KCTD16: variants seen among roughly 807,000 people sequenced by gnomAD.
KCTD16 encodes BTB/POZ domain-containing protein KCTD16.
A neutral mutation model predicts 33.2 loss-of-function variants in KCTD16; 13 were observed. That is an observed-to-expected ratio of 0.39 (90% CI 0.25 to 0.62). KCTD16 has a LOEUF of 0.62. Among genes scored for constraint, KCTD16 ranks in the 20% least tolerant of loss-of-function variants. KCTD16 has a pLI of 0.50. For missense variants in KCTD16, 441 were observed against 525.1 expected, an observed-to-expected ratio of 0.84 and a Z score of 1.57; for synonymous variants, 197 against 195.3, an observed-to-expected ratio of 1.01 and a Z score of -0.07.
chr5:144,418,047 A>C (rs561511807), intron 3 of KCTD16, among the ~76,000 whole-genome samples: 1 of 152,070 alleles, frequency 6.6e-6, no homozygotes, highest in Non-Finnish European at 1.5e-5. Flanking sequence ...GAAGCCACAG[A>C]CCTTGGCAGT....
intron 3 of KCTD16, among the ~76,000 whole-genome samples, chr5:144,420,924 C>G (rs1188192396): frequency 6.6e-6 from 1 of 152,174 alleles, no homozygotes; most frequent in Admixed American, 6.5e-5. Context: ...TGATGAAAGT[C>G]ATCTCAAAGC....
intron 3 of KCTD16, among the ~76,000 whole-genome samples, chr5:144,257,549 C>T (rs1050274489): frequency 5.9e-5 from 9 of 151,864 alleles, no homozygotes; most frequent in South Asian, 2.1e-4. Context: ...AGTGCAGTGA[C>T]GTGATCTCGG....
intron 3 of KCTD16, among the ~76,000 whole-genome samples, chr5:144,259,090 C>G (rs1433236682): frequency 6.6e-6 from 1 of 151,902 alleles, no homozygotes; most frequent in Non-Finnish European, 1.5e-5. Flanking sequence ...AACCCCGTCT[C>G]TACTAAAAAT....
chr5:144,266,616 C>G (rs1046185262), intron 3 of KCTD16, among the ~76,000 whole-genome samples: 1 of 152,178 alleles, frequency 6.6e-6, no homozygotes, highest in African/African-American at 2.4e-5. Context: ...ACCAAATACC[C>G]TTCCCTAACC....
intron 3 of KCTD16, among the ~76,000 whole-genome samples, chr5:144,434,179 G>T (rs1477815833): frequency 2.0e-5 from 3 of 152,066 alleles, no homozygotes; most frequent in Non-Finnish European, 4.4e-5. Flanking sequence ...AATCTTTATT[G>T]TTCGGACATA....
intron 3 of KCTD16, among the ~76,000 whole-genome samples, chr5:144,209,154 C>G (rs775454616): frequency 6.6e-6 from 1 of 152,154 alleles, no homozygotes; most frequent in Non-Finnish European, 1.5e-5. Context: ...AACATAGCAT[C>G]GTAAGAAGCT....
intron 3 of KCTD16, among the ~76,000 whole-genome samples, chr5:144,233,025 G>C (rs570792536): frequency 6.6e-6 from 1 of 152,052 alleles, no homozygotes; most frequent in South Asian, 2.1e-4. Context: ...TTCATCAGTA[G>C]ACCTGGGAAT....
At chr5:144,377,208 T>C (rs918775338) in intron 3 of KCTD16, among the ~76,000 whole-genome samples, 1 of 152,204 alleles carries the variant, frequency 6.6e-6, no homozygotes, top group African/African-American at 2.4e-5. Flanking sequence ...TTACTTTCTC[T>C]TGGGGTTCCT....
At chr5:144,409,989 G>C (rs1273312846) in intron 3 of KCTD16, among the ~76,000 whole-genome samples, 1 of 152,174 alleles carries the variant, frequency 6.6e-6, no homozygotes, top group Non-Finnish European at 1.5e-5. Context: ...GATAGGACCA[G>C]AAGGGCATTG....
At chr5:144,408,451 C>G (rs1016660852) in intron 3 of KCTD16, among the ~76,000 whole-genome samples, 1 of 152,206 alleles carries the variant, frequency 6.6e-6, no homozygotes, top group South Asian at 2.1e-4. Flanking sequence ...AATAAATTTT[C>G]ACACAAGTAT....
At chr5:144,186,366 A>AAAG (rs1262160766) in intron 2 of KCTD16, among the ~76,000 whole-genome samples, 20 of 149,928 alleles carry the variant, frequency 1.3e-4, no homozygotes, top group African/African-American at 4.9e-4. Context: ...AAAAAAAAGA[A>AAAG]AAAAAAAAAA....
At chr5:144,422,783 T>G (rs1016075439) in intron 3 of KCTD16, among the ~76,000 whole-genome samples, 1 of 152,166 alleles carries the variant, frequency 6.6e-6, no homozygotes, top group Non-Finnish European at 1.5e-5. Flanking sequence ...GCATATCTAA[T>G]GATATGTCAA....
At chr5:144,459,201 G>A (rs1052064952) in intron 3 of KCTD16, among the ~76,000 whole-genome samples, 1 of 152,114 alleles carries the variant, frequency 6.6e-6, no homozygotes, top group Admixed American at 6.5e-5. Flanking sequence ...TTTGTCATCT[G>A]TAAAATGGGA....
At chr5:144,361,770 G>T (rs1259818406) in intron 3 of KCTD16, among the ~76,000 whole-genome samples, 1 of 152,044 alleles carries the variant, frequency 6.6e-6, no homozygotes, top group Non-Finnish European at 1.5e-5. Context: ...TGCCAAATTA[G>T]GGTGTGTTCT....
intron 3 of KCTD16, among the ~76,000 whole-genome samples, chr5:144,219,493 C>G (rs972498239): frequency 6.8e-6 from 1 of 146,372 alleles, no homozygotes; most frequent in African/African-American, 2.6e-5. Flanking sequence ...GGATGACAGG[C>G]ATGAGCCACT....
intron 2 of KCTD16, among the ~76,000 whole-genome samples, chr5:144,187,793 G>A (rs1160106188): frequency 6.6e-6 from 1 of 152,148 alleles, no homozygotes; most frequent in African/African-American, 2.4e-5. Context: ...GATGTCTTAG[G>A]TTGTGTTAAA....
At chr5:144,370,815 T>A (rs960594355) in intron 3 of KCTD16, among the ~76,000 whole-genome samples, 1 of 152,140 alleles carries the variant, frequency 6.6e-6, no homozygotes, top group African/African-American at 2.4e-5. Context: ...GAAACAAATA[T>A]CTTTTCAAGA....
At chr5:144,299,072 A>ATATATATATATATATATATATT (rs1491103244) in intron 3 of KCTD16, among the ~76,000 whole-genome samples, 5 of 57,432 alleles carry the variant, frequency 8.7e-5, no homozygotes, top group Non-Finnish European at 1.7e-4. Flanking sequence ...ATATATATAT[A>ATATATATATATATATATATATT]TTTTTGTATA....
intron 3 of KCTD16, among the ~76,000 whole-genome samples, chr5:144,378,734 G>T (rs899573010): frequency 6.6e-6 from 1 of 152,152 alleles, no homozygotes; most frequent in Admixed American, 6.6e-5. Context: ...CCCTAGTCAA[G>T]GCAACAGAAT....
Sources: allele counts gnomAD v4.1 joint callset (sites outside exome capture counted in the v4.1 genomes callset), GRCh38; gene constraint gnomAD v4.1.1; transcripts MANE v1.5; gene names NCBI Gene and HGNC (gene_info 2026-07-23, HGNC 2026-07-21).